The following ARRDC4 variants were observed in gnomAD, a reference collection of about 807,000 sequenced individuals.
The protein encoded by ARRDC4 is arrestin domain containing 4.
Under a neutral mutation model 44.6 loss-of-function variants are expected in ARRDC4, and 40 were observed. The ratio of observed to expected loss-of-function variants is 0.90; its 90% CI spans 0.70 to 1.17. The LOEUF is 1.17. ARRDC4 is among the 50% of genes most tolerant of loss of function. ARRDC4 has a pLI of 0.00. For missense variants in ARRDC4, 550 were observed against 559.1 expected, an observed-to-expected ratio of 0.98 and a Z score of 0.16; for synonymous variants, 211 against 221.2, an observed-to-expected ratio of 0.95 and a Z score of 0.41.
chr15:97,964,670 G>A (rs574814272), intron 1 of ARRDC4, among the ~76,000 whole-genome samples: 3 of 152,096 alleles, frequency 2.0e-5, no homozygotes, highest in Middle Eastern at 3.4e-3. Flanking sequence ...CTGAGAAAAG[G>A]GCCCTGGCCA....
At chr15:97,963,918 A>G (rs1325904425) in intron 1 of ARRDC4, among the ~76,000 whole-genome samples, 1 of 152,136 alleles carries the variant, frequency 6.6e-6, no homozygotes, top group East Asian at 1.9e-4. Context: ...TCAGGTCGAG[A>G]TGCTTCCCTG....
In ARRDC4 at chr15:97,965,648, G is replaced by A. The variant is rs769773801; in HGVS notation, c.356G>A (p.Arg119His). 5.0e-6 allele frequency: 8 copies of A among 1,613,276 alleles called. No individual in the cohort carries two copies. The East Asian group carries it at 6.7e-5, about 13-fold the overall frequency. The change falls in exon 2 of 8, where the codon CGC becomes CAC. Residue 119 changes from arginine to histidine, a missense_variant. Transcript: ENST00000268042. The surrounding 1 kb of genome is among the most constrained non-coding windows in gnomAD (Gnocchi z 5.1). Reference sequence around the variant, plus strand: ...CCTGGAAAACATGAATTTCCATTTCGCTTTCAACTTCCATCTGAGTAAGTG... The same window carrying A: ...CCTGGAAAACATGAATTTCCATTTCACTTTCAACTTCCATCTGAGTAAGTG... ...LQPGKHEFPF[R>H]FQLPSEPLVT... is the part of the protein sequence containing the mutation.
rs1899520914 is a variant in ARRDC4, at chr15:97,971,853, G to A, written c.*666G>A. ...AAACCAAGAAAGGGTTTCTTGAAAAGCTTGTCGGTTCAAAGAGGAAAGATG... is the reference window on the plus strand; with the variant it reads ...AAACCAAGAAAGGGTTTCTTGAAAAACTTGTCGGTTCAAAGAGGAAAGATG... On this transcript the variant is annotated 3_prime_UTR_variant, in exon 8 of 8. Transcript: ENST00000268042. 6.6e-6 allele frequency: 1 copy of A among 152,192 alleles called. No homozygotes were observed. The highest frequency in any genetic ancestry group is 6.5e-5 in the Admixed American group (1 of 15,280). The allele number at this position is 152,192 out of a possible 1,614,324, so 9.4% of individuals were successfully genotyped here.
At chr15:97,969,649 C>T (rs1224075258) in intron 5 of ARRDC4, among the ~76,000 whole-genome samples, 1 of 152,032 alleles carries the variant, frequency 6.6e-6, no homozygotes, top group African/African-American at 2.4e-5. Context: ...TTATATAAGC[C>T]ATGCAAACCT....
chr15:97,969,169 T>C lies in ARRDC4; in HGVS notation c.672T>C (p.Arg224=), dbSNP rs537735613. 65 of 1,613,914 alleles carry C rather than the reference T, an allele frequency of 4.0e-5. 3 individuals carry two copies. The South Asian group carries it at 6.5e-4, about 16-fold the overall frequency. ...CAGAAATAGAAAATTGTTCCTCTCG[T>C]CTGATTGTTCCAAAGGCTGCTATTT... The part of the protein sequence containing the change: ...IYAEIENCSS[R]LIVPKAAIFQ... The change falls in exon 5 of 8, where the codon CGT becomes CGC. Residue 224 remains arginine (R), a synonymous_variant. Coordinates refer to ENST00000268042, the MANE Select transcript of ARRDC4 (RefSeq NM_183376.3).
rs754993418 is a variant in ARRDC4 at position 97,969,856 on chromosome 15, C to CTCTTTTTT, written c.883-26_883-25insCTTTTTTT. The CTCTTTTTT allele has an allele frequency of 7.0e-4, 950 of 1,352,864 alleles. 4 individuals carry two copies. In the African/African-American group the frequency reaches 0.011, roughly 16 times the overall value. The allele number at this position is 1,352,864 out of a possible 1,614,324, so 83.8% of individuals were successfully genotyped here. On this transcript the variant is annotated intron_variant, in intron 5 of 7. Coordinates refer to ENST00000268042, the MANE Select transcript of ARRDC4 (RefSeq NM_183376.3). ...GTGTAGCTTACATTTGTTCCTTTCT[C>CTCTTTTTT]TTTTTTTTTTTTTTTTGGCTTATTA...
At chr15:97,963,856 C>A (rs1055061696) in intron 1 of ARRDC4, among the ~76,000 whole-genome samples, 1 of 152,132 alleles carries the variant, frequency 6.6e-6, no homozygotes, top group Non-Finnish European at 1.5e-5. Context: ...GAACTTTAGC[C>A]CAGCTCTTTT....
In ARRDC4 at chr15:97,971,983, G is replaced by A. The variant is rs2141538228; in HGVS notation, c.*796G>A. The A allele has an allele frequency of 6.6e-6, 1 of 152,630 alleles. No homozygotes were observed. Among genetic ancestry groups the A allele is most frequent in the Non-Finnish European group, 1.5e-5 (1 of 68,012 alleles). 9.5% of individuals were successfully genotyped at this position (152,630 alleles called of 1,614,324 possible). A position where few individuals can be genotyped will look rare whatever the true frequency, so the allele number is the denominator to read the frequency against. ...TTTTCCTCATATCTTATTTACCTAG[G>A]AGCATGTAAGAGAAAGAAGGGAGAG... On this transcript the variant is annotated 3_prime_UTR_variant, in exon 8 of 8. Transcript: ENST00000268042.
Position 97,971,551 on chromosome 15 carries a change from C to T in ARRDC4, c.*364C>T, listed in dbSNP as rs1025219806. 6.9e-5 allele frequency: 17 copies of T among 248,012 alleles called. No individual in the cohort carries two copies. The highest frequency in any genetic ancestry group is 2.6e-4 in the Admixed American group (5 of 19,426). 15.4% of individuals were successfully genotyped at this position (248,012 alleles called of 1,614,324 possible). On this transcript the variant is annotated 3_prime_UTR_variant, in exon 8 of 8. Coordinates refer to ENST00000268042, the MANE Select transcript of ARRDC4 (RefSeq NM_183376.3). ...GAGTTTCCCATGGTGAAGAGTGGAA[C>T]GAAGGCGATATGAACTGAAGGGGTG...
chr15:97,961,039 CA>C lies in ARRDC4; in HGVS notation c.179del (p.Gln60ArgfsTer32). The C allele has an allele frequency of 7.0e-7, 1 of 1,434,112 alleles. No homozygotes were observed. Among genetic ancestry groups the C allele is most frequent in the Non-Finnish European group, 9.1e-7 (1 of 1,098,080 alleles). The allele number at this position is 1,434,112 out of a possible 1,614,324, so 88.8% of individuals were successfully genotyped here. On this transcript the variant is annotated frameshift_variant, in exon 1 of 8. Coordinates refer to ENST00000268042, the MANE Select transcript of ARRDC4 (RefSeq NM_183376.3). LOFTEE classifies it high-confidence loss of function. ...VALRALRLEA[Q>X]GRATAAWGPS... ...CCTGCGCGCGCTGCGCCTGGAGGCC[CA>C]GGGGCGCGCCACCGCCGCCTGGGGC... is the stretch of plus-strand genomic sequence containing the variant.
intron 1 of ARRDC4, among the ~76,000 whole-genome samples, chr15:97,963,372 C>A (rs1466598535): frequency 6.6e-6 from 1 of 152,264 alleles, no homozygotes; most frequent in Non-Finnish European, 1.5e-5. Flanking sequence ...AATATTATAA[C>A]CCATTTTTAT....
chr15:97,971,032 G>C (rs1899503096), intron 7 of ARRDC4, 99 bp from the exon 8 acceptor site: 1 of 1,344,976 alleles, frequency 7.4e-7, no homozygotes, highest in South Asian at 1.2e-5. Flanking sequence ...CACAGGCTCT[G>C]ACCAGCTTGG....
intron 1 of ARRDC4, among the ~76,000 whole-genome samples, chr15:97,962,673 T>C (rs1899341950): frequency 6.6e-6 from 1 of 152,232 alleles, no homozygotes; most frequent in South Asian, 2.1e-4. Flanking sequence ...ACTAGACAAT[T>C]TGAAAATCTT....
rs1899541572 is a variant in ARRDC4, at chr15:97,973,032, T to C, written c.*1845T>C. ...ATTTGGTTTTTAAATTTTGCTTTCG[T>C]GTGTGTGTCTTTAAACAGGTAATGT... is the stretch of plus-strand genomic sequence containing the variant. On this transcript the variant is annotated 3_prime_UTR_variant, in exon 8 of 8. Coordinates refer to ENST00000268042, the MANE Select transcript of ARRDC4 (RefSeq NM_183376.3). The C allele has an allele frequency of 6.6e-6, 1 of 152,236 alleles. No individual in the cohort carries two copies. Among genetic ancestry groups the C allele is most frequent in the African/African-American group, 2.4e-5 (1 of 41,448 alleles). The allele number at this position is 152,236 out of a possible 1,614,324, so 9.4% of individuals were successfully genotyped here.
rs1473276957 is a variant in ARRDC4, at chr15:97,966,640, A to C, written c.522+598A>C. Among the ~76,000 whole-genome samples the C allele has an allele frequency of 6.6e-6, 1 of 152,228 alleles. No individual in the cohort carries two copies. Among genetic ancestry groups the C allele is most frequent in the Non-Finnish European group, 1.5e-5 (1 of 68,038 alleles). ...CTAATAATCACCAGAAATACTGTAGACTGATAAGAAAGATCAGGCTATAAG... is the reference window on the plus strand; with the variant it reads ...CTAATAATCACCAGAAATACTGTAGCCTGATAAGAAAGATCAGGCTATAAG... On this transcript the variant is annotated intron_variant, in intron 3 of 7. Coordinates refer to ENST00000268042, the MANE Select transcript of ARRDC4 (RefSeq NM_183376.3). This position sits in a 1 kb window ranked among gnomAD's most constrained non-coding sequence, Gnocchi z 4.7.
At position 97,965,406 on chromosome 15, in the gene ARRDC4, C is replaced by T. The variant is rs1899397875; in HGVS notation, c.308-194C>T. On this transcript the variant is annotated intron_variant, in intron 1 of 7. Transcript: ENST00000268042. The surrounding 1 kb of genome is among the most constrained non-coding windows in gnomAD (Gnocchi z 5.1). ...CTGGCCTGGGCAATAGAGCGAGACC[C>T]TGTCTCTAAAACACATAGACACACG... is the stretch of plus-strand genomic sequence containing the variant. Among the ~76,000 whole-genome samples, 1 of 151,588 alleles carries T rather than the reference C, an allele frequency of 6.6e-6. No individual in the cohort carries two copies.
intron 1 of ARRDC4, among the ~76,000 whole-genome samples, chr15:97,962,375 A>G (rs1057149611): frequency 2.0e-5 from 3 of 152,188 alleles, no homozygotes; most frequent in Non-Finnish European, 4.4e-5. Flanking sequence ...GGCTTCCAGG[A>G]TCAACCCAGG....
rs778751326 is a variant in ARRDC4 at position 97,971,152 on chromosome 15, G to T, written c.1222G>T (p.Val408Leu). Residue 408 changes from valine to leucine, a missense_variant, in exon 8 of 8, where the codon GTA (valine) becomes TTA (leucine). Val to Leu is a conservative substitution (Grantham distance 32). Coordinates refer to ENST00000268042, the MANE Select transcript of ARRDC4 (RefSeq NM_183376.3). ...GCAGGTTGACCCACATCCTAGCGAC[G>T]TAGAAGAGAGCCAGCCTGTTTCCTT... ...YSEVDPHPSD[V>L]EESQPVSFIL 32 of 1,613,234 alleles carry T rather than the reference G, an allele frequency of 2.0e-5. No homozygotes were observed. The highest frequency in any genetic ancestry group is 2.7e-5 in the Non-Finnish European group (32 of 1,179,430).
Position 97,970,189 on chromosome 15 carries a change from C to T in ARRDC4, c.1045+144C>T. The stretch of plus-strand genomic sequence containing the variant: ...TTCCTACTACTAAAAAATCAGAAAG[C>T]ATTAGTCCTGGGAGGGACTTTGAAA... On this transcript the variant is annotated intron_variant, in intron 6 of 7. Coordinates refer to ENST00000268042, the MANE Select transcript of ARRDC4 (RefSeq NM_183376.3). This position sits in a 1 kb window ranked among gnomAD's most constrained non-coding sequence, Gnocchi z 4.2. The T allele has an allele frequency of 2.0e-6, 2 of 989,670 alleles. No homozygotes were observed. The highest frequency in any genetic ancestry group is 2.8e-6 in the Non-Finnish European group (2 of 715,838). 61.3% of individuals were successfully genotyped at this position (989,670 alleles called of 1,614,324 possible).
Sources: gnomAD v4.1 joint callset for allele counts (sites outside exome capture counted in the v4.1 genomes callset) on GRCh38, gnomAD v4.1.1 for gene constraint, Gnocchi (gnomAD v3.1) non-coding constraint, MANE v1.5 for transcripts, NCBI Gene and HGNC (gene_info 2026-07-23, HGNC 2026-07-21) for gene names.